SPATA17: variants seen among roughly 807,000 people sequenced by gnomAD.
The protein encoded by SPATA17 is spermatogenesis associated 17.
A neutral mutation model predicts 62.2 loss-of-function variants in SPATA17; 53 were observed. The ratio of observed to expected loss-of-function variants is 0.85; its 90% CI spans 0.68 to 1.07. The LOEUF (loss-of-function observed/expected upper bound fraction) is 1.07. Ranked by LOEUF, SPATA17 falls within the 50% of genes least tolerant of loss-of-function variation. The pLI is 0.00. For synonymous variants in SPATA17, 146 were observed against 146.8 expected, an observed-to-expected ratio of 0.99 and a Z score of 0.04; for missense variants, 466 against 425.5, an observed-to-expected ratio of 1.10 and a Z score of -0.84.
chr1:217,758,879 GT>G (rs1673108199), intron 6 of SPATA17, among the ~76,000 whole-genome samples: 1 of 152,118 alleles, frequency 6.6e-6, no homozygotes, highest in African/African-American at 2.4e-5. Flanking sequence ...GATCTTTAAG[GT>G]TATATAATTA....
chr1:217,859,939 T>C (rs965063082), intron 9 of SPATA17, among the ~76,000 whole-genome samples: 4 of 152,100 alleles, frequency 2.6e-5, no homozygotes, highest in African/African-American at 9.7e-5. Context: ...TGCTTCTGCT[T>C]ACTTTGTAAT....
chr1:217,706,112 T>C (rs1040695201), intron 5 of SPATA17, among the ~76,000 whole-genome samples: 4 of 152,200 alleles, frequency 2.6e-5, no homozygotes, highest in Non-Finnish European at 5.9e-5. Context: ...GTTTCTGTAG[T>C]CTTGTAGTAT....
In SPATA17 at chr1:217,841,851, T is replaced by A. The variant is rs1475012907; in HGVS notation, c.1006-20923T>A. On this transcript the variant is annotated intron_variant, in intron 9 of 10. Coordinates refer to ENST00000366933, the MANE Select transcript of SPATA17 (RefSeq NM_138796.4). ...TACATAATTTTTCATATACATATTA[T>A]GTATATGATAAATATATATAACCAT... Among the ~76,000 whole-genome samples the A allele has an allele frequency of 2.0e-5, 3 of 151,084 alleles. No homozygotes were observed. In the Admixed American group the frequency reaches 2.0e-4, roughly 10 times the overall value.
chr1:217,701,455 G>A lies in SPATA17; in HGVS notation c.395+18094G>A, dbSNP rs563701546. 9.9e-5 allele frequency among the ~76,000 whole-genome samples: 15 copies of A among 150,906 alleles called. No homozygotes were observed. The South Asian group carries it at 2.3e-3, about 23-fold the overall frequency. ...GGCTGGAGTGCAATGTCGTGATCTC[G>A]GCTCACTGCAACCTCCACCTCCCAG... On this transcript the variant is annotated intron_variant, in intron 5 of 10. Transcript: ENST00000366933.
At chr1:217,820,380 A>G (rs1286125056) in intron 9 of SPATA17, among the ~76,000 whole-genome samples, 1 of 152,082 alleles carries the variant, frequency 6.6e-6, no homozygotes, top group African/African-American at 2.4e-5. Context: ...AGTCCAAATT[A>G]TATTTAATGT....
At chr1:217,751,949 A>C (rs564049919) in intron 6 of SPATA17, among the ~76,000 whole-genome samples, 24 of 152,340 alleles carry the variant, frequency 1.6e-4, no homozygotes, top group African/African-American at 5.8e-4. Flanking sequence ...GGACAGATCC[A>C]TGTGTTATGG....
At chr1:217,727,960 G>T (rs754229950) in intron 5 of SPATA17, among the ~76,000 whole-genome samples, 1 of 152,078 alleles carries the variant, frequency 6.6e-6, no homozygotes, top group Non-Finnish European at 1.5e-5. Flanking sequence ...TCTGTTTTGG[G>T]TTGACTAGTT....
intron 3 of SPATA17, among the ~76,000 whole-genome samples, chr1:217,653,234 T>C (rs1169462561): frequency 1.3e-5 from 2 of 152,190 alleles, no homozygotes; most frequent in East Asian, 3.8e-4. Flanking sequence ...TTGTCTTTCT[T>C]AGAATTAGTG....
At position 217,742,013 on chromosome 1, in the gene SPATA17, A is replaced by G; in HGVS notation, c.434A>G (p.Glu145Gly). Residue 145 changes from glutamate (E) to glycine (G), a missense_variant, in exon 6 of 11, where the codon GAA (glutamate) becomes GGA (glycine). Glu to Gly is a moderately conservative substitution (Grantham distance 98). Coordinates refer to ENST00000366933, the MANE Select transcript of SPATA17 (RefSeq NM_138796.4). ...GAGTTTGCAGAAATGAAAGAAAGAG[A>G]AGAGAAGAAGGCTAACCTCGAAAGG... Reference protein sequence around the residue: ...LEEFAEMKEREEKKANLEREE... With the variant: ...LEEFAEMKERGEKKANLEREE... 1 of 1,614,082 alleles carries G rather than the reference A, an allele frequency of 6.2e-7. No individual in the cohort carries two copies. The highest frequency in any genetic ancestry group is 8.5e-7 in the Non-Finnish European group (1 of 1,179,958).
chr1:217,861,655 G>A (rs1675899847), intron 9 of SPATA17, among the ~76,000 whole-genome samples: 1 of 152,072 alleles, frequency 6.6e-6, no homozygotes, highest in African/African-American at 2.4e-5. Context: ...AGCCCCACAG[G>A]AAAATGATAT....
chr1:217,794,516 G>A (rs568748321), intron 8 of SPATA17, among the ~76,000 whole-genome samples: 1 of 152,204 alleles, frequency 6.6e-6, no homozygotes, highest in East Asian at 1.9e-4. Flanking sequence ...AGCTGCATAT[G>A]GCCTCCTGGG....
intron 9 of SPATA17, among the ~76,000 whole-genome samples, chr1:217,820,277 T>A (rs1674827644): frequency 6.6e-6 from 1 of 151,938 alleles, no homozygotes; most frequent in Non-Finnish European, 1.5e-5. Flanking sequence ...AAAGTGAGGT[T>A]TATGTTTTTA....
At chr1:217,789,590 A>G (rs1397736159) in intron 8 of SPATA17, among the ~76,000 whole-genome samples, 1 of 152,212 alleles carries the variant, frequency 6.6e-6, no homozygotes, top group Non-Finnish European at 1.5e-5. Flanking sequence ...AGCAGAAGCT[A>G]CAGGCAAAAT....
intron 8 of SPATA17, 124 bp from the exon 9 acceptor site, chr1:217,801,594 A>G: frequency 1.5e-6 from 1 of 672,426 alleles, no homozygotes; most frequent in Non-Finnish European, 2.3e-6. Context: ...AATGGAATCT[A>G]GGTATTCTGA....
At chr1:217,697,129 C>T (rs528828951) in intron 5 of SPATA17, among the ~76,000 whole-genome samples, 14 of 152,208 alleles carry the variant, frequency 9.2e-5, no homozygotes, top group Non-Finnish European at 2.1e-4. Flanking sequence ...CTGCCTCAGC[C>T]TCCTGCGTAG....
intron 6 of SPATA17, among the ~76,000 whole-genome samples, chr1:217,767,285 A>AT: frequency 6.6e-6 from 1 of 151,710 alleles, no homozygotes; most frequent in East Asian, 1.9e-4. Context: ...TCTTTTCAAG[A>AT]TTTTTTCTTT....
chr1:217,645,077 G>A (rs924365675), intron 1 of SPATA17, among the ~76,000 whole-genome samples: 1 of 151,938 alleles, frequency 6.6e-6, no homozygotes, highest in African/African-American at 2.4e-5. Context: ...TAAAAAAAGG[G>A]CAACAGAGAA....
At chr1:217,734,469 C>T (rs1310545326) in intron 5 of SPATA17, among the ~76,000 whole-genome samples, 1 of 152,150 alleles carries the variant, frequency 6.6e-6, no homozygotes, top group African/African-American at 2.4e-5. Flanking sequence ...TCCGGAATAG[C>T]TGGTATTACA....
intron 3 of SPATA17, among the ~76,000 whole-genome samples, chr1:217,660,469 G>A (rs765797150): frequency 1.2e-4 from 19 of 152,210 alleles, no homozygotes; most frequent in Middle Eastern, 3.2e-3. Flanking sequence ...TATGACCAAT[G>A]TAGATGATGA....
Sources: allele counts gnomAD v4.1 joint callset (sites outside exome capture counted in the v4.1 genomes callset), GRCh38; gene constraint gnomAD v4.1.1; transcripts MANE v1.5; gene names NCBI Gene and HGNC (gene_info 2026-07-23, HGNC 2026-07-21).